Variants in COL24A1 observed in about 807,000 individuals in gnomAD.
The protein encoded by COL24A1 is collagen alpha-1(XXIV) chain.
Under a neutral mutation model 253.9 loss-of-function variants are expected in COL24A1, and 224 were observed. The observed-to-expected ratio is 0.88, with a 90% CI of 0.79 to 0.99. COL24A1 has a LOEUF of 0.99. COL24A1 is among the 50% of genes least tolerant of loss of function. COL24A1 has a pLI of 0.00. For synonymous variants in COL24A1, 685 were observed against 673.7 expected (o/e 1.02, Z -0.26); for missense variants, 2,131 against 2,068.5 (o/e 1.03, Z -0.59).
intron 24 of COL24A1, among the ~76,000 whole-genome samples, chr1:85,942,955 TGGGTGTGTCTACCA>T (rs1309821615): frequency 6.6e-6 from 1 of 152,184 alleles, no homozygotes; most frequent in Non-Finnish European, 1.5e-5. Flanking sequence ...AGCATTACTT[TGGGTGTGTCTACCA>T]GGGTGTTTCC....
At chr1:86,037,524 G>A (rs188589855) in intron 12 of COL24A1, among the ~76,000 whole-genome samples, 11 of 152,226 alleles carry the variant, frequency 7.2e-5, no homozygotes, top group African/African-American at 2.2e-4. Context: ...CCGGCAAAAA[G>A]CCAGAGCCCT....
At chr1:86,038,661 G>A (rs889434577) in intron 12 of COL24A1, among the ~76,000 whole-genome samples, 7 of 152,068 alleles carry the variant, frequency 4.6e-5, no homozygotes, top group African/African-American at 1.7e-4. Flanking sequence ...TCTGAAGCTA[G>A]GTCATAAAGA....
intron 55 of COL24A1, among the ~76,000 whole-genome samples, chr1:85,756,424 A>T (rs434853): frequency 0.4 from 61,470 of 152,082 alleles, 13,556 homozygotes; most frequent in South Asian, 0.57. Context: ...GTCTCAAAAA[A>T]AAAAAATACA....
chr1:85,876,304 A>C (rs1029702939), intron 33 of COL24A1, among the ~76,000 whole-genome samples: 1 of 152,106 alleles, frequency 6.6e-6, no homozygotes, highest in Non-Finnish European at 1.5e-5. Flanking sequence ...TGAGAGGATT[A>C]GGTAGAAGAA....
chr1:85,733,137 AT>A (rs1663682562), intron 59 of COL24A1, among the ~76,000 whole-genome samples: 1 of 152,182 alleles, frequency 6.6e-6, no homozygotes, highest in Non-Finnish European at 1.5e-5. Flanking sequence ...TTTGCTTATG[AT>A]TTTTCAAGCA....
At chr1:85,952,766 C>T (rs141455547) in intron 24 of COL24A1, among the ~76,000 whole-genome samples, 2 of 152,228 alleles carry the variant, frequency 1.3e-5, no homozygotes, top group African/African-American at 2.4e-5. Context: ...TGATAAAGAC[C>T]GTATGGCCTG....
intron 5 of COL24A1, among the ~76,000 whole-genome samples, chr1:86,098,113 C>T (rs953106709): frequency 6.6e-6 from 1 of 152,182 alleles, no homozygotes; most frequent in African/African-American, 2.4e-5. Context: ...GAGACCCATA[C>T]TTTGTGTAAT....
chr1:86,133,990 T>TA (rs1182406430), intron 2 of COL24A1, among the ~76,000 whole-genome samples: 1 of 147,780 alleles, frequency 6.8e-6, no homozygotes, highest in Non-Finnish European at 1.5e-5. Flanking sequence ...GACTTTTTTT[T>TA]GGTTGCTAAC....
intron 55 of COL24A1, among the ~76,000 whole-genome samples, chr1:85,759,339 G>T (rs1666604752): frequency 6.6e-6 from 1 of 152,110 alleles, no homozygotes; most frequent in Admixed American, 6.6e-5. Context: ...AGACAAACAT[G>T]AAAATAAATG....
intron 32 of COL24A1, among the ~76,000 whole-genome samples, chr1:85,879,482 A>G (rs917040437): frequency 6.6e-6 from 1 of 152,160 alleles, no homozygotes; most frequent in Non-Finnish European, 1.5e-5. Flanking sequence ...CTCTGTTCCA[A>G]TGATCTACAG....
chr1:86,112,706 G>C, intron 4 of COL24A1, 86 bp from the exon 5 acceptor site: 1 of 1,266,518 alleles, frequency 7.9e-7, no homozygotes, highest in Non-Finnish European at 1.1e-6. Context: ...CAACATGTGT[G>C]ATCCCTTTAA....
chr1:85,805,903 G>A (rs1056210164), intron 47 of COL24A1, among the ~76,000 whole-genome samples: 17 of 151,916 alleles, frequency 1.1e-4, no homozygotes, highest in Admixed American at 7.9e-4. Context: ...GTGAAACCCC[G>A]TCTCTATTAA....
intron 53 of COL24A1, among the ~76,000 whole-genome samples, chr1:85,764,335 T>C (rs1166620598): frequency 6.6e-6 from 1 of 151,974 alleles, no homozygotes; most frequent in Non-Finnish European, 1.5e-5. Context: ...TAGATAGTAA[T>C]GTAATTAGAA....
intron 53 of COL24A1, among the ~76,000 whole-genome samples, chr1:85,773,252 A>G (rs369437570): frequency 1.3e-4 from 20 of 152,290 alleles, no homozygotes; most frequent in African/African-American, 4.8e-4. Context: ...TAACAGTACC[A>G]TGCTGTTTTG....
intron 1 of COL24A1, among the ~76,000 whole-genome samples, chr1:86,150,212 G>A (rs1652562378): frequency 6.6e-6 from 1 of 152,040 alleles, no homozygotes; most frequent in Non-Finnish European, 1.5e-5. Context: ...TCTCTAAAGG[G>A]GAATGAATCT....
intron 7 of COL24A1, among the ~76,000 whole-genome samples, chr1:86,066,971 T>C (rs1026696658): frequency 6.6e-6 from 1 of 151,974 alleles, no homozygotes; most frequent in African/African-American, 2.4e-5. Flanking sequence ...AACCCGTCTC[T>C]ATTAAAAATA....
chr1:85,878,965 A>G (rs1681515186), intron 32 of COL24A1, among the ~76,000 whole-genome samples: 1 of 151,564 alleles, frequency 6.6e-6, no homozygotes, highest in African/African-American at 2.4e-5. Flanking sequence ...TTTTTTTTCT[A>G]TATTTTGGAT....
chr1:86,121,385 G>C (rs927081614), intron 3 of COL24A1, among the ~76,000 whole-genome samples: 5 of 151,938 alleles, frequency 3.3e-5, no homozygotes, highest in African/African-American at 1.2e-4. Flanking sequence ...ATAATAAAGA[G>C]AATAATCGTT....
At chr1:85,933,570 C>T (rs1192458123) in intron 24 of COL24A1, among the ~76,000 whole-genome samples, 1 of 152,192 alleles carries the variant, frequency 6.6e-6, no homozygotes, top group South Asian at 2.1e-4. Context: ...CATATAACCT[C>T]TTCCTTCTTA....
Sources: gnomAD v4.1 joint callset for allele counts (sites outside exome capture counted in the v4.1 genomes callset) on GRCh38, gnomAD v4.1.1 for gene constraint, MANE v1.5 for transcripts, NCBI Gene and HGNC (gene_info 2026-07-23, HGNC 2026-07-21) for gene names.